Variants in HMGB1 observed in about 807,000 individuals in gnomAD.
The protein encoded by HMGB1 is high mobility group box 1.
For missense variants in HMGB1, 79 were observed against 253.5 expected (o/e 0.31, Z 4.67); for synonymous variants, 81 against 84.0 (o/e 0.96, Z 0.19).
At chr13:30,584,573 C>T (rs1871060386) in intron 1 of HMGB1, among the ~76,000 whole-genome samples, 2 of 152,034 alleles carry the variant, frequency 1.3e-5, no homozygotes, top group South Asian at 4.1e-4. Context: ...TGGAACATAC[C>T]AAGTACTTAA....
intron 1 of HMGB1, among the ~76,000 whole-genome samples, chr13:30,518,087 T>C (rs1888139987): frequency 6.6e-6 from 1 of 152,058 alleles, no homozygotes; most frequent in African/African-American, 2.4e-5. Flanking sequence ...TCCGAACACT[T>C]ATGGGAGGCT....
intron 1 of HMGB1, chr13:30,464,774 T>TGTGTGTGTGTG (rs1886628457): frequency 4.2e-6 from 1 of 239,022 alleles, no homozygotes; most frequent in African/African-American, 2.4e-5. Flanking sequence ...TGTGTGTGTG[T>TGTGTGTGTGTG]GTGTGTGTGT....
intron 1 of HMGB1, among the ~76,000 whole-genome samples, chr13:30,567,538 G>A (rs914956265): frequency 1.4e-4 from 22 of 152,028 alleles, no homozygotes; most frequent in African/African-American, 9.7e-5. Flanking sequence ...TTTTAGTAGA[G>A]ATGGGGTTTC....
intron 1 of HMGB1, among the ~76,000 whole-genome samples, chr13:30,563,177 C>T (rs1025470084): frequency 8.5e-5 from 13 of 152,236 alleles, no homozygotes; most frequent in Non-Finnish European, 1.5e-4. Context: ...GAGGTCAAAT[C>T]GATTTCTGCA....
intron 1 of HMGB1, chr13:30,465,142 C>T (rs1321522160): frequency 7.2e-6 from 7 of 970,432 alleles, no homozygotes; most frequent in Non-Finnish European, 8.5e-6. Flanking sequence ...GCGCCGGGCC[C>T]GAGTCAGCCA....
At chr13:30,471,183 G>A (rs574086320) in intron 1 of HMGB1, among the ~76,000 whole-genome samples, 12 of 151,644 alleles carry the variant, frequency 7.9e-5, no homozygotes, top group African/African-American at 2.9e-4. Flanking sequence ...TATTGGACAG[G>A]CCGGTCTTGA....
intron 1 of HMGB1, among the ~76,000 whole-genome samples, chr13:30,483,950 C>T (rs752364740): frequency 2.0e-5 from 3 of 152,180 alleles, no homozygotes; most frequent in African/African-American, 4.8e-5. Context: ...CTAGGCCACT[C>T]ATGGTCAGGC....
chr13:30,519,521 C>T (rs1476232939), intron 1 of HMGB1, among the ~76,000 whole-genome samples: 2 of 144,308 alleles, frequency 1.4e-5, no homozygotes, highest in South Asian at 2.3e-4. Context: ...CAGTGAAACC[C>T]TGTCTCTACT....
chr13:30,562,247 AGGTC>A, intron 1 of HMGB1, among the ~76,000 whole-genome samples: 4 of 151,756 alleles, frequency 2.6e-5, no homozygotes, highest in Admixed American at 2.6e-4. Context: ...CAGTGAGCCA[AGGTC>A]GCACCACTGT....
chr13:30,571,272 C>G (rs1870408586), intron 1 of HMGB1, among the ~76,000 whole-genome samples: 1 of 150,372 alleles, frequency 6.7e-6, no homozygotes, highest in Non-Finnish European at 1.5e-5. Flanking sequence ...AAGTCCTCTT[C>G]CAGGATTAGC....
At chr13:30,615,436 C>A (rs1465493314) in intron 1 of HMGB1, among the ~76,000 whole-genome samples, 4 of 152,120 alleles carry the variant, frequency 2.6e-5, no homozygotes, top group Non-Finnish European at 5.9e-5. Context: ...AAGGGCAGCA[C>A]CCCATAATCA....
chr13:30,561,903 C>A (rs1353142024), intron 1 of HMGB1, among the ~76,000 whole-genome samples: 3 of 152,128 alleles, frequency 2.0e-5, no homozygotes, highest in Non-Finnish European at 4.4e-5. Flanking sequence ...GCCAGAAGGA[C>A]AGTGAAAACA....
intron 1 of HMGB1, among the ~76,000 whole-genome samples, chr13:30,546,141 G>A (rs1025085497): frequency 3.9e-5 from 6 of 152,146 alleles, no homozygotes; most frequent in African/African-American, 1.2e-4. Context: ...TTTTGAGACG[G>A]AGTCTTGCTC....
At chr13:30,593,536 C>T (rs868185633) in intron 1 of HMGB1, among the ~76,000 whole-genome samples, 19 of 152,150 alleles carry the variant, frequency 1.2e-4, no homozygotes, top group African/African-American at 4.1e-4. Context: ...ACCCAGTTGT[C>T]GAACCACCCA....
intron 1 of HMGB1, among the ~76,000 whole-genome samples, chr13:30,549,617 ACTCC>A (rs2137511289): frequency 6.7e-6 from 1 of 149,512 alleles, no homozygotes; most frequent in South Asian, 2.1e-4. Context: ...CTAGTCTTGA[ACTCC>A]TGGCCTCAAC....
intron 1 of HMGB1, among the ~76,000 whole-genome samples, chr13:30,522,618 A>T (rs558781364): frequency 1.3e-5 from 2 of 152,354 alleles, no homozygotes; most frequent in African/African-American, 4.8e-5. Flanking sequence ...GGCATCTGCA[A>T]GACAGCAATA....
At chr13:30,582,563 G>A (rs563059821) in intron 1 of HMGB1, among the ~76,000 whole-genome samples, 121 of 152,036 alleles carry the variant, frequency 8.0e-4, no homozygotes, top group African/African-American at 1.7e-3. Context: ...GCATGAACCC[G>A]GGAGGTGGAG....
At chr13:30,517,026 G>A (rs537988880) in intron 1 of HMGB1, among the ~76,000 whole-genome samples, 2 of 152,232 alleles carry the variant, frequency 1.3e-5, no homozygotes, top group East Asian at 1.9e-4. Context: ...TAAGTATTTC[G>A]AATGTGAAGA....
intron 1 of HMGB1, among the ~76,000 whole-genome samples, chr13:30,556,054 C>T (rs1593309945): frequency 1.3e-5 from 2 of 152,112 alleles, no homozygotes; most frequent in South Asian, 2.1e-4. Flanking sequence ...AAGCTGCTGC[C>T]ACAATTGTCA....
Sources: gnomAD v4.1 joint callset for allele counts (sites outside exome capture counted in the v4.1 genomes callset) on GRCh38, gnomAD v4.1.1 for gene constraint, MANE v1.5 for transcripts, NCBI Gene and HGNC (gene_info 2026-07-23, HGNC 2026-07-21) for gene names.